DENND1B: variants seen among roughly 807,000 people sequenced by gnomAD.
DENND1B encodes the protein DENN domain-containing protein 1B.
In DENND1B, 59 loss-of-function variants were observed where a neutral mutation model predicts 90.1. The ratio of observed to expected loss-of-function variants is 0.65; its 90% confidence interval spans 0.53 to 0.81. The LOEUF (loss-of-function observed/expected upper bound fraction) is 0.81, where lower values mean the gene tolerates loss of function less well. Among genes scored for constraint, DENND1B ranks in the 40% least tolerant of loss-of-function variants. DENND1B has a pLI of 0.00. For synonymous variants in DENND1B, 337 were observed against 324.6 expected, an observed-to-expected ratio of 1.04 and a Z score of -0.41; for missense variants, 862 against 912.6, an observed-to-expected ratio of 0.94 and a Z score of 0.71.
At chr1:197,667,697 C>A (rs1281924454) in intron 5 of DENND1B, among the ~76,000 whole-genome samples, 1 of 152,158 alleles carries the variant, frequency 6.6e-6, no homozygotes, top group Admixed American at 6.5e-5. Flanking sequence ...CTGCACCAAG[C>A]CCCCAATTCC....
chr1:197,736,833 T>C (rs904268523), intron 2 of DENND1B, among the ~76,000 whole-genome samples: 13 of 152,200 alleles, frequency 8.5e-5, no homozygotes, highest in Non-Finnish European at 1.6e-4. Flanking sequence ...GCTATTCAGA[T>C]TTTTGTTATA....
intron 6 of DENND1B, 84 bp downstream of exon 6, chr1:197,658,216 T>G: frequency 9.1e-7 from 1 of 1,101,654 alleles, no homozygotes; most frequent in African/African-American, 1.6e-5. Context: ...GTCACAAAAC[T>G]ATACACTTAA....
chr1:197,513,854 T>G (rs933190457), intron 20 of DENND1B, among the ~76,000 whole-genome samples: 3 of 151,560 alleles, frequency 2.0e-5, no homozygotes, highest in Non-Finnish European at 3.0e-5. Flanking sequence ...TCCATACCCT[T>G]TAACATGCTA....
chr1:197,534,249 C>A (rs577408678), intron 20 of DENND1B, among the ~76,000 whole-genome samples: 14 of 152,276 alleles, frequency 9.2e-5, no homozygotes, highest in Non-Finnish European at 1.3e-4. Context: ...ATTATTTCCA[C>A]TTGTACCTGT....
chr1:197,575,486 A>G (rs1313523307), intron 15 of DENND1B, among the ~76,000 whole-genome samples: 1 of 152,200 alleles, frequency 6.6e-6, no homozygotes, highest in Non-Finnish European at 1.5e-5. Context: ...TGTTGGTGGG[A>G]GTATAAATTA....
the DENND1B span, among the ~76,000 whole-genome samples, chr1:197,780,831 A>C: frequency 1.3e-5 from 2 of 152,130 alleles, no homozygotes; most frequent in African/African-American, 4.8e-5. Flanking sequence ...CCACCTAATA[A>C]GGTCCACTTT....
At chr1:197,513,285 C>T (rs2125595446) in intron 20 of DENND1B, among the ~76,000 whole-genome samples, 1 of 151,622 alleles carries the variant, frequency 6.6e-6, no homozygotes, top group South Asian at 2.1e-4. Flanking sequence ...CCCTCATGCA[C>T]CCATCACACA....
intron 13 of DENND1B, among the ~76,000 whole-genome samples, chr1:197,597,284 T>A (rs10922264): frequency 0.071 from 10,740 of 151,820 alleles, 487 homozygotes; most frequent in Non-Finnish European, 0.097. Flanking sequence ...ATGCCTTCAA[T>A]AGCAATGGGA....
At chr1:197,635,012 CAAGGAAGG>C (rs201896777) in intron 10 of DENND1B, among the ~76,000 whole-genome samples, 25,266 of 150,140 alleles carry the variant, frequency 0.17, 2,285 homozygotes, top group Non-Finnish European at 0.2. Context: ...AGGAAGGAAG[CAAGGAAGG>C]AAGGAAGGAA....
intron 18 of DENND1B, among the ~76,000 whole-genome samples, chr1:197,543,398 G>C (rs1670489139): frequency 6.6e-6 from 1 of 151,980 alleles, no homozygotes; most frequent in African/African-American, 2.4e-5. Flanking sequence ...GTGAAATTAA[G>C]GCAAGACACA....
chr1:197,644,645 C>T (rs1370300101), intron 9 of DENND1B, among the ~76,000 whole-genome samples: 1 of 152,156 alleles, frequency 6.6e-6, no homozygotes, highest in Non-Finnish European at 1.5e-5. Flanking sequence ...CTTTGATTAT[C>T]TATCTCAGGC....
chr1:197,631,519 C>T (rs1299894436), intron 10 of DENND1B, among the ~76,000 whole-genome samples: 1 of 151,898 alleles, frequency 6.6e-6, no homozygotes, highest in Non-Finnish European at 1.5e-5. Context: ...TAAATAAAAA[C>T]TGATTGAAGC....
intron 2 of DENND1B, among the ~76,000 whole-genome samples, chr1:197,760,562 G>T (rs76794904): frequency 0.018 from 2,697 of 151,376 alleles, 75 homozygotes; most frequent in African/African-American, 0.06. Flanking sequence ...GATCATGCTG[G>T]GCCCAAGAGG....
In DENND1B at chr1:197,705,150, T is replaced by C. The variant is rs539193558; in HGVS notation, c.126+9881A>G. ...AAAAGGCTAGTTAAGGAGAATGCAG[T>C]TGGTAGAGAAAAGCAGTAAAAGGGA... On this transcript the variant is annotated intron_variant, in intron 3 of 22. Transcript: ENST00000620048. Among the ~76,000 whole-genome samples the C allele has an allele frequency of 2.6e-4, 39 of 152,186 alleles. No homozygotes were observed. In the South Asian group the frequency reaches 5.8e-3, roughly 23 times the overall value.
At chr1:197,631,549 A>G (rs1679327665) in intron 10 of DENND1B, among the ~76,000 whole-genome samples, 2 of 152,076 alleles carry the variant, frequency 1.3e-5, no homozygotes, top group Admixed American at 6.6e-5. Context: ...ACTATTAGTC[A>G]TATTTGAAAT....
At chr1:197,734,146 G>T in intron 2 of DENND1B, 1 of 921,174 alleles carries the variant, frequency 1.1e-6, no homozygotes, top group African/African-American at 1.8e-5. Flanking sequence ...TCATATTCCT[G>T]AATAAGTTTT....
rs1572274457 is a variant in DENND1B at position 197,673,950 on chromosome 1, G to C, written c.176+170C>G. On this transcript the variant is annotated intron_variant, in intron 4 of 22. Coordinates refer to ENST00000620048, the MANE Select transcript of DENND1B (RefSeq NM_001195215.2). ...GAAAATAAAAGATGTGATTTAAAAG[G>C]CTTCCTCTTCCACATATTAATTAAT... Among the ~76,000 whole-genome samples, 3 of 152,148 alleles carry C rather than the reference G, an allele frequency of 2.0e-5. No individual in the cohort carries two copies. The South Asian group carries it at 6.2e-4, about 32-fold the overall frequency.
rs1558211727 is a variant in DENND1B, at chr1:197,536,138, T to TAGA, written c.1515+3825_1515+3826insTCT. Among the ~76,000 whole-genome samples the TAGA allele has an allele frequency of 5.1e-3, 451 of 88,840 alleles. 6 individuals are homozygous for TAGA. The highest frequency in any genetic ancestry group is 0.015 in the African/African-American group (427 of 28,980). The allele number at this position is 88,840 out of a possible 152,430, so 58.3% of individuals were successfully genotyped here. A position where few individuals can be genotyped will look rare whatever the true frequency, so the allele number is the denominator to read the frequency against. On this transcript the variant is annotated intron_variant, in intron 20 of 22. Coordinates refer to ENST00000620048, the MANE Select transcript of DENND1B (RefSeq NM_001195215.2). ...GGAGGGAGAGAGGGAGAGAGAGAGATTGAGAGAGAGAGAGAGAGAGATAGA... is the reference window on the plus strand; with the variant it reads ...GGAGGGAGAGAGGGAGAGAGAGAGATAGATGAGAGAGAGAGAGAGAGAGATAGA...
Position 197,510,992 on chromosome 1 carries a change from AC to A in DENND1B, c.1816-21del. 6.8e-7 allele frequency: 1 copy of A among 1,479,296 alleles called. No homozygotes were observed. Among genetic ancestry groups the A allele is most frequent in the Non-Finnish European group, 9.0e-7 (1 of 1,114,160 alleles). The allele number at this position is 1,479,296 out of a possible 1,614,324, so 91.6% of individuals were successfully genotyped here. On this transcript the variant is annotated intron_variant, in intron 22 of 22. Coordinates refer to ENST00000620048, the MANE Select transcript of DENND1B (RefSeq NM_001195215.2). ...TTTATTCTGAAAAAAAGAAGAAACA[AC>A]AAACTCAGAAAACTTTTAATAAGCA...
Sources: gnomAD v4.1 joint callset for allele counts (sites outside exome capture counted in the v4.1 genomes callset) on GRCh38, gnomAD v4.1.1 for gene constraint, MANE v1.5 for transcripts, NCBI Gene and HGNC (gene_info 2026-07-23, HGNC 2026-07-21) for gene names.